The following FBXO30 variants were observed in gnomAD, a reference collection of about 807,000 sequenced individuals.
FBXO30 encodes F-box only protein 30.
Under a neutral mutation model 58.1 loss-of-function variants are expected in FBXO30, and 21 were observed. That is an observed-to-expected ratio of 0.36 (90% CI 0.26 to 0.52). The LOEUF is 0.52. Among genes scored for constraint, FBXO30 ranks in the 20% least tolerant of loss-of-function variants. The pLI, the probability that FBXO30 is intolerant of heterozygous loss-of-function variation, is 0.93. For synonymous variants in FBXO30, 309 were observed against 312.4 expected, an observed-to-expected ratio of 0.99 and a Z score of 0.11; for missense variants, 744 against 897.3, an observed-to-expected ratio of 0.83 and a Z score of 2.18.
chr6:145,806,140 C>T lies in FBXO30; in HGVS notation c.266G>A (p.Cys89Tyr), dbSNP rs1210840089. Residue 89 changes from cysteine (C) to tyrosine (Y), a missense_variant, in exon 2 of 3, where the codon TGC (cysteine) becomes TAC (tyrosine). Coordinates refer to ENST00000237281, the MANE Select transcript of FBXO30 (RefSeq NM_032145.5). ...HLEMCPASVV[C>Y]CTMEWNRWPV... ...CCATCGATTCCATTCCATAGTACAG[C>T]ACACCACACTTGCAGGACACATTTC... 6.2e-7 allele frequency: 1 copy of T among 1,614,118 alleles called. No individual in the cohort carries two copies. The highest frequency in any genetic ancestry group is 1.1e-5 in the South Asian group (1 of 91,084).
Position 145,798,219 on chromosome 6 carries a change from G to C in FBXO30, c.*1887C>G, listed in dbSNP as rs1337849313. On this transcript the variant is annotated 3_prime_UTR_variant, in exon 3 of 3. Transcript: ENST00000237281. ...TTAAGGGAAAACATTAATTTTATTA[G>C]AACTTGAACAAATGTTTCACAAAGA... is the stretch of plus-strand genomic sequence containing the variant. 6.6e-6 allele frequency: 1 copy of C among 151,928 alleles called. No homozygotes were observed. Among genetic ancestry groups the C allele is most frequent in the African/African-American group, 2.4e-5 (1 of 41,402 alleles). 9.4% of individuals were successfully genotyped at this position (151,928 alleles called of 1,614,324 possible). A position where few individuals can be genotyped will look rare whatever the true frequency, so the allele number is the denominator to read the frequency against.
At position 145,799,982 on chromosome 6, in the gene FBXO30, A is replaced by G. The variant is rs1777946010; in HGVS notation, c.*124T>C. On this transcript the variant is annotated 3_prime_UTR_variant, in exon 3 of 3. Transcript: ENST00000237281. The stretch of plus-strand genomic sequence containing the variant: ...TTATAAAAATAGATGTCACTTCAAA[A>G]CATTATATACACAGTGACAATAAAT... 1 of 718,424 alleles carries G rather than the reference A, an allele frequency of 1.4e-6. No individual in the cohort carries two copies. The highest frequency in any genetic ancestry group is 3.1e-5 in the Admixed American group (1 of 31,816). The allele number at this position is 718,424 out of a possible 1,614,324, so 44.5% of individuals were successfully genotyped here.
chr6:145,812,102 A>C (rs1474881328), intron 1 of FBXO30, among the ~76,000 whole-genome samples: 2 of 152,198 alleles, frequency 1.3e-5, no homozygotes, highest in Non-Finnish European at 2.9e-5. Flanking sequence ...TTCCAGTCCC[A>C]AATGGCTAAA....
intron 2 of FBXO30, among the ~76,000 whole-genome samples, chr6:145,803,219 G>A (rs562968221): frequency 1.6e-3 from 241 of 152,100 alleles, no homozygotes; most frequent in Non-Finnish European, 2.5e-3. Flanking sequence ...AAGATAAAAA[G>A]AGGCCATACT....
In FBXO30 at chr6:145,798,879, C is replaced by T. The variant is rs1364119479; in HGVS notation, c.*1227G>A. On this transcript the variant is annotated 3_prime_UTR_variant, in exon 3 of 3. Transcript: ENST00000237281. ...CTACCAAATGCTAATTTACTTAAGA[C>T]AAATTATTTAAGTATATATTCCCAC... 1 of 152,000 alleles carries T rather than the reference C, an allele frequency of 6.6e-6. No homozygotes were observed. The highest frequency in any genetic ancestry group is 1.5e-5 in the Non-Finnish European group (1 of 67,952). 9.4% of individuals were successfully genotyped at this position (152,000 alleles called of 1,614,324 possible).
rs1336999858 is a variant in FBXO30, at chr6:145,795,505, G to A, written c.*4601C>T. 2 of 151,814 alleles carry A rather than the reference G, an allele frequency of 1.3e-5. No individual in the cohort carries two copies. Among genetic ancestry groups the A allele is most frequent in the East Asian group, 3.9e-4 (2 of 5,184 alleles). 9.4% of individuals were successfully genotyped at this position (151,814 alleles called of 1,614,324 possible). A position where few individuals can be genotyped will look rare whatever the true frequency, so the allele number is the denominator to read the frequency against. Reference sequence around the variant, plus strand: ...TATGTTGTCAGTTCACTTCAAAAATGTTTTCTTCATAGTAAAAGACAGATG... The same window carrying A: ...TATGTTGTCAGTTCACTTCAAAAATATTTTCTTCATAGTAAAAGACAGATG... On this transcript the variant is annotated 3_prime_UTR_variant, in exon 3 of 3. Coordinates refer to ENST00000237281, the MANE Select transcript of FBXO30 (RefSeq NM_032145.5).
At chr6:145,803,116 C>T (rs980122150) in intron 2 of FBXO30, among the ~76,000 whole-genome samples, 1 of 151,714 alleles carries the variant, frequency 6.6e-6, no homozygotes, top group Non-Finnish European at 1.5e-5. Flanking sequence ...TAAATGATGG[C>T]GAGTTAAATT....
Position 145,804,620 on chromosome 6 carries a change from C to T in FBXO30, c.1786G>A (p.Val596Ile). Reference protein sequence around the residue: ...SFGVQPCVSTVLVEPARNCVL... With the variant: ...SFGVQPCVSTILVEPARNCVL... ...CAGTTTCTAGCAGGCTCCACTAATACTGTAGATACACATGGCTGAACTCCA... is the reference window on the plus strand; with the variant it reads ...CAGTTTCTAGCAGGCTCCACTAATATTGTAGATACACATGGCTGAACTCCA... The change falls in exon 2 of 3, where the codon GTA becomes ATA. Residue 596 changes from valine to isoleucine, a missense_variant. Val to Ile is a conservative substitution (Grantham distance 29). Transcript: ENST00000237281. 6.2e-7 allele frequency: 1 copy of T among 1,613,820 alleles called. No homozygotes were observed. Among genetic ancestry groups the T allele is most frequent in the Non-Finnish European group, 8.5e-7 (1 of 1,179,858 alleles).
At chr6:145,813,856 G>A (rs1778417113) in intron 1 of FBXO30, among the ~76,000 whole-genome samples, 1 of 152,078 alleles carries the variant, frequency 6.6e-6, no homozygotes. Flanking sequence ...AAAGGGAGAG[G>A]GAAATGGAGT....
intron 1 of FBXO30, 22 bp downstream of exon 1, chr6:145,814,581 C>T (rs1778446417): frequency 6.6e-6 from 1 of 151,856 alleles, no homozygotes; most frequent in African/African-American, 2.4e-5. Flanking sequence ...CCGGCCTCCC[C>T]TGCGGGCCTC....
At position 145,800,207 on chromosome 6, in the gene FBXO30, C is replaced by T. The variant is rs757458853; in HGVS notation, c.2137G>A (p.Glu713Lys). The T allele has an allele frequency of 8.1e-6, 13 of 1,612,946 alleles. No homozygotes were observed. The highest frequency in any genetic ancestry group is 3.3e-4 in the Middle Eastern group (2 of 6,076). ...HLKKCSYNVV[E>K]KREEAIPLPC... ...AAAGGGATTGCTTCCTCCCGTTTCT[C>T]GACAACATTGTAACTGCATTTCTTC... The change falls in exon 3 of 3, where the codon GAG becomes AAG. Residue 713 changes from glutamate (E) to lysine (K), a missense_variant. Around this residue, in one of 3 missense-constraint regions of FBXO30, gnomAD observed 334 missense variants for 433.7 expected, o/e 0.77. Coordinates refer to ENST00000237281, the MANE Select transcript of FBXO30 (RefSeq NM_032145.5).
intron 2 of FBXO30, among the ~76,000 whole-genome samples, chr6:145,802,922 G>A (rs1778048323): frequency 6.6e-6 from 1 of 152,052 alleles, no homozygotes; most frequent in South Asian, 2.1e-4. Flanking sequence ...CCTGGTTTAG[G>A]AAACTTGGTG....
At position 145,805,815 on chromosome 6, in the gene FBXO30, C is replaced by G. The variant is rs752530228; in HGVS notation, c.591G>C (p.Leu197Phe). 1 of 1,613,938 alleles carries G rather than the reference C, an allele frequency of 6.2e-7. No homozygotes were observed. The highest frequency in any genetic ancestry group is 2.2e-5 in the East Asian group (1 of 44,890). Residue 197 changes from leucine (L) to phenylalanine (F), a missense_variant, in exon 2 of 3, where the codon TTG becomes TTC. Physicochemically the swap from Leu to Phe is conservative, Grantham distance 22 (BLOSUM62 0). This residue lies in a region of FBXO30 where 275 missense variants were observed against 262.0 expected (regional missense o/e 1.05). Coordinates refer to ENST00000237281, the MANE Select transcript of FBXO30 (RefSeq NM_032145.5). The part of the protein sequence containing the change: ...VETTRSLAAA[L>F]DILNTATRDI... ...CTCTTGTAGCAGTATTCAGGATATC[C>G]AAAGCAGCAGCCAAACTTCTGGTTG...
At chr6:145,801,111 A>C (rs553179988) in intron 2 of FBXO30, among the ~76,000 whole-genome samples, 75 of 152,220 alleles carry the variant, frequency 4.9e-4, no homozygotes, top group African/African-American at 1.8e-3. Flanking sequence ...CATCTTTACA[A>C]ATGAAACATA....
intron 2 of FBXO30, among the ~76,000 whole-genome samples, chr6:145,801,587 G>A (rs1364434485): frequency 6.6e-6 from 1 of 152,092 alleles, no homozygotes; most frequent in East Asian, 1.9e-4. Context: ...TCTCAGGAAA[G>A]CATGGTAATG....
rs1221731133 is a variant in FBXO30, at chr6:145,794,032, G to A, written c.*6074C>T. Reference sequence around the variant, plus strand: ...AAAGTATACAATTCACTGGCATTTTGGCACATTCACAATGTGCAACTATCC... The same window carrying A: ...AAAGTATACAATTCACTGGCATTTTAGCACATTCACAATGTGCAACTATCC... On this transcript the variant is annotated 3_prime_UTR_variant, in exon 3 of 3. Transcript: ENST00000237281. 6.6e-6 allele frequency: 1 copy of A among 151,694 alleles called. No homozygotes were observed. The highest frequency in any genetic ancestry group is 2.4e-5 in the African/African-American group (1 of 41,330). The allele number at this position is 151,694 out of a possible 1,614,324, so 9.4% of individuals were successfully genotyped here. A position where few individuals can be genotyped will look rare whatever the true frequency, so the allele number is the denominator to read the frequency against.
chr6:145,813,291 C>T (rs1778384460), intron 1 of FBXO30, among the ~76,000 whole-genome samples: 1 of 150,886 alleles, frequency 6.6e-6, no homozygotes, highest in African/African-American at 2.4e-5. Context: ...TCTCTTACAG[C>T]ATTCACGAAA....
At position 145,795,207 on chromosome 6, in the gene FBXO30, A is replaced by G. The variant is rs1053767590; in HGVS notation, c.*4899T>C. ...CATCTGAGAAACAAAATTTCTAAAA[A>G]TTTATATTAGAAAAGGGTAGAAATT... On this transcript the variant is annotated 3_prime_UTR_variant, in exon 3 of 3. Transcript: ENST00000237281. The G allele has an allele frequency of 6.6e-6, 1 of 151,872 alleles. No homozygotes were observed. Among genetic ancestry groups the G allele is most frequent in the African/African-American group, 2.4e-5 (1 of 41,434 alleles). The allele number at this position is 151,872 out of a possible 1,614,324, so 9.4% of individuals were successfully genotyped here.
Position 145,805,556 on chromosome 6 carries a change from A to G in FBXO30, c.850T>C (p.Cys284Arg), listed in dbSNP as rs766438183. 6.2e-7 allele frequency: 1 copy of G among 1,610,080 alleles called. No homozygotes were observed. The highest frequency in any genetic ancestry group is 1.1e-5 in the South Asian group (1 of 90,146). The change falls in exon 2 of 3, where the codon TGT becomes CGT. Residue 284 changes from cysteine (C) to arginine (R), a missense_variant. This residue lies in a region of FBXO30 where 275 missense variants were observed against 262.0 expected (regional missense o/e 1.05). Transcript: ENST00000237281. ...NTSSYDTSAL[C>R]NGFPLENICT... ...ATATTTTCCAAAGGAAAGCCATTAC[A>G]AAGAGCAGAAGTGTCATAAGAACTT...
Sources: allele counts gnomAD v4.1 joint callset (sites outside exome capture counted in the v4.1 genomes callset), GRCh38; gene constraint gnomAD v4.1.1; regional missense constraint gnomAD v4.1.1; transcripts MANE v1.5; gene names NCBI Gene and HGNC (gene_info 2026-07-23, HGNC 2026-07-21).